Variants in NIPBL observed in about 807,000 individuals in gnomAD.
NIPBL encodes the protein NIPBL cohesin loading factor.
Under a neutral mutation model 321.8 loss-of-function variants are expected in NIPBL, and 19 were observed. That is an observed-to-expected ratio of 0.06 (90% CI 0.04 to 0.09). NIPBL has a LOEUF of 0.09. Among genes scored for constraint, NIPBL ranks in the 10% least tolerant of loss-of-function variants. NIPBL has a pLI of 1.00. For missense variants in NIPBL, 2,210 were observed against 3,327.0 expected, an observed-to-expected ratio of 0.66 and a Z score of 8.26; for synonymous variants, 1,106 against 1,114.1, an observed-to-expected ratio of 0.99 and a Z score of 0.14.
At chr5:37,064,013 G>A (rs756936450) in intron 46 of NIPBL, 35 bp downstream of exon 46, 17 of 1,608,182 alleles carry the variant, frequency 1.1e-5, no homozygotes, top group African/African-American at 2.7e-5. Flanking sequence ...ATTTCGCAGC[G>A]TATTACGTAA....
intron 40 of NIPBL, 123 bp downstream of exon 40, chr5:37,049,424 TA>T (rs1753296803): frequency 6.5e-6 from 7 of 1,080,826 alleles, no homozygotes; most frequent in Non-Finnish European, 9.9e-6. Context: ...ACTAAACTCT[TA>T]AGAATCTGGC....
Position 37,048,550 on chromosome 5 carries a change from A to G in NIPBL, c.6638A>G (p.Lys2213Arg). Residue 2213 changes from lysine (K) to arginine (R), a missense_variant, in exon 39 of 47, where the codon AAG becomes AGG. Physicochemically the swap from Lys to Arg is conservative, Grantham distance 26. Transcript: ENST00000282516. ...AGTCTAATGTTCGAGCAAGAAGTGAAGAATCTATATAATAATATTTTATCT... is the reference window on the plus strand; with the variant it reads ...AGTCTAATGTTCGAGCAAGAAGTGAGGAATCTATATAATAATATTTTATCT... Reference protein sequence around the residue: ...HPSLMFEQEVKNLYNNILSDK... With the variant: ...HPSLMFEQEVRNLYNNILSDK... 6.3e-7 allele frequency: 1 copy of G among 1,585,648 alleles called. No homozygotes were observed. Among genetic ancestry groups the G allele is most frequent in the Non-Finnish European group, 8.6e-7 (1 of 1,165,714 alleles).
chr5:36,970,053 T>A (rs1201309364), intron 6 of NIPBL, among the ~76,000 whole-genome samples: 1 of 152,118 alleles, frequency 6.6e-6, no homozygotes, highest in East Asian at 1.9e-4. Flanking sequence ...AAATAAATAG[T>A]GTACATCATA....
At chr5:36,965,210 G>A (rs1440136487) in intron 6 of NIPBL, among the ~76,000 whole-genome samples, 1 of 151,966 alleles carries the variant, frequency 6.6e-6, no homozygotes, top group Non-Finnish European at 1.5e-5. Context: ...TCAGTATACT[G>A]AAGAGATGCA....
At chr5:36,945,155 C>G (rs978977222) in intron 1 of NIPBL, among the ~76,000 whole-genome samples, 8 of 152,056 alleles carry the variant, frequency 5.3e-5, no homozygotes, top group African/African-American at 1.7e-4. Flanking sequence ...AAATTTCCTC[C>G]GTAGCCTCTA....
Position 36,919,196 on chromosome 5 carries a change from A to T in NIPBL, c.-79-34422A>T, listed in dbSNP as rs958432195. 2.0e-5 allele frequency among the ~76,000 whole-genome samples: 3 copies of T among 152,266 alleles called. No individual in the cohort carries two copies. The East Asian group carries it at 5.8e-4, about 29-fold the overall frequency. The stretch of plus-strand genomic sequence containing the variant: ...TTATGCTGCTAAGGACATTTTTGTA[A>T]AAATTATTCCCCCAAAAAATTAGTT... On this transcript the variant is annotated intron_variant, in intron 1 of 46. Coordinates refer to ENST00000282516, the MANE Select transcript of NIPBL (RefSeq NM_133433.4).
chr5:36,955,468 A>G lies in NIPBL; in HGVS notation c.65-4A>G, dbSNP rs547568614. 1 of 1,612,568 alleles carries G rather than the reference A, an allele frequency of 6.2e-7. No individual in the cohort carries two copies. Among genetic ancestry groups the G allele is most frequent in the East Asian group, 2.2e-5 (1 of 44,836 alleles). On this transcript the variant is annotated splice_region_variant and splice_polypyrimidine_tract_variant and intron_variant, in intron 2 of 46. Transcript: ENST00000282516. ...TTCTAATAATCTGATTTTATTCCAAATAGTCCTGAACCAGCTGCCTCTTCC... is the reference window on the plus strand; with the variant it reads ...TTCTAATAATCTGATTTTATTCCAAGTAGTCCTGAACCAGCTGCCTCTTCC...
chr5:36,906,491 C>A (rs1239032953), intron 1 of NIPBL, among the ~76,000 whole-genome samples: 1 of 152,010 alleles, frequency 6.6e-6, no homozygotes, highest in Non-Finnish European at 1.5e-5. Context: ...GTGATATGTC[C>A]TTTTTTCTAT....
At chr5:36,906,352 T>G (rs985885693) in intron 1 of NIPBL, among the ~76,000 whole-genome samples, 32 of 152,328 alleles carry the variant, frequency 2.1e-4, no homozygotes, top group Middle Eastern at 6.8e-3. Context: ...ATGATTATTT[T>G]GGGACTCTTT....
intron 1 of NIPBL, among the ~76,000 whole-genome samples, chr5:36,888,431 G>A (rs1397907030): frequency 2.0e-5 from 3 of 151,874 alleles, no homozygotes; most frequent in African/African-American, 7.3e-5. Context: ...TCAATACTTT[G>A]TGTTTATGTG....
At chr5:37,000,682 G>A (rs1746688056) in intron 12 of NIPBL, 112 bp downstream of exon 12, 5 of 1,324,696 alleles carry the variant, frequency 3.8e-6, no homozygotes, top group Non-Finnish European at 2.1e-6. Flanking sequence ...TTTCAATTAA[G>A]ACAAAAATAC....
Position 36,964,606 on chromosome 5 carries a change from A to C in NIPBL, c.610+2332A>C, listed in dbSNP as rs543775030. ...GAAAACATTGAAGAAACACTCCAGG[A>C]TGTTGGTCTGTGCAAAATACTTTCT... On this transcript the variant is annotated intron_variant, in intron 6 of 46. Coordinates refer to ENST00000282516, the MANE Select transcript of NIPBL (RefSeq NM_133433.4). Among the ~76,000 whole-genome samples the C allele has an allele frequency of 3.3e-5, 5 of 152,292 alleles. No individual in the cohort carries two copies. In the South Asian group the frequency reaches 1.0e-3, roughly 32 times the overall value.
intron 9 of NIPBL, 51 bp downstream of exon 9, chr5:36,976,453 A>G (rs1455461236): frequency 1.3e-6 from 2 of 1,585,972 alleles, no homozygotes; most frequent in Non-Finnish European, 8.5e-7. Context: ...ATATGTAATT[A>G]TAGTGTCAAA....
At chr5:37,023,164 C>G (rs554820520) in intron 29 of NIPBL, among the ~76,000 whole-genome samples, 1 of 152,118 alleles carries the variant, frequency 6.6e-6, no homozygotes, top group Non-Finnish European at 1.5e-5. Flanking sequence ...TTAGCTTCAA[C>G]TAGGCATAAA....
At position 36,963,904 on chromosome 5, in the gene NIPBL, A is replaced by G. The variant is rs139956539; in HGVS notation, c.610+1630A>G. On this transcript the variant is annotated intron_variant, in intron 6 of 46. Transcript: ENST00000282516. ...GTAAAATACTATTATACTCAAGTAC[A>G]CAAAAGTCTGAGGGACATTTTACAT... Among the ~76,000 whole-genome samples, 251 of 152,332 alleles carry G rather than the reference A, an allele frequency of 1.6e-3. 3 individuals carry two copies. Among genetic ancestry groups the G allele is most frequent in the African/African-American group, 5.8e-3 (243 of 41,578 alleles).
chr5:36,978,834 T>C (rs2149633343), intron 9 of NIPBL, among the ~76,000 whole-genome samples: 3 of 152,174 alleles, frequency 2.0e-5, no homozygotes, highest in Admixed American at 2.0e-4. Flanking sequence ...GCACCATTTA[T>C]TGAATAGCGT....
chr5:37,024,289 C>T (rs928298911), intron 29 of NIPBL, among the ~76,000 whole-genome samples: 1 of 152,048 alleles, frequency 6.6e-6, no homozygotes, highest in Non-Finnish European at 1.5e-5. Flanking sequence ...AGACACTATT[C>T]TAAAGCTTAT....
At chr5:37,005,736 T>C (rs1046770850) in intron 16 of NIPBL, among the ~76,000 whole-genome samples, 2 of 152,196 alleles carry the variant, frequency 1.3e-5, no homozygotes, top group African/African-American at 4.8e-5. Flanking sequence ...ATTTTTACTT[T>C]AACAGTGAGA....
intron 1 of NIPBL, among the ~76,000 whole-genome samples, chr5:36,877,652 A>C (rs1745195612): frequency 6.6e-6 from 1 of 152,190 alleles, no homozygotes; most frequent in Non-Finnish European, 1.5e-5. Flanking sequence ...TGAAACAAAC[A>C]ACCTCCCTTC....
Sources: gnomAD v4.1 joint callset for allele counts (sites outside exome capture counted in the v4.1 genomes callset) on GRCh38, gnomAD v4.1.1 for gene constraint, MANE v1.5 for transcripts, NCBI Gene and HGNC (gene_info 2026-07-23, HGNC 2026-07-21) for gene names.